Variants in DGKK observed in about 807,000 individuals in gnomAD.
DGKK encodes the protein 142 kDa diacylglycerol kinase.
In DGKK, 35 loss-of-function variants were observed where a neutral mutation model predicts 92.2. That is an observed-to-expected ratio of 0.38 (90% CI 0.29 to 0.50). The LOEUF is 0.50. DGKK is among the 20% of genes least tolerant of loss of function. DGKK has a pLI of 0.92. For synonymous variants in DGKK, 368 were observed against 360.6 expected, an observed-to-expected ratio of 1.02 and a Z score of -0.23; for missense variants, 910 against 992.2, an observed-to-expected ratio of 0.92 and a Z score of 1.11.
chrX:50,443,199 A>G (rs1557231416), intron 1 of DGKK, among the ~76,000 whole-genome samples: 1 of 111,152 alleles, frequency 9.0e-6, no homozygotes, highest in African/African-American at 3.3e-5. Flanking sequence ...ACCAGGAGGC[A>G]GGGATCATTT....
Position 50,391,419 on chromosome X carries a change from G to T in DGKK, c.1844+18C>A, listed in dbSNP as rs1557225519. The stretch of plus-strand genomic sequence containing the variant: ...GGGACAGGAAGAGGCACAAGGGCCT[G>T]GTCTTTCAGCCACTTACCTGTCTAG... On this transcript the variant is annotated intron_variant, in intron 11 of 27. Coordinates refer to ENST00000611977, the MANE Select transcript of DGKK (RefSeq NM_001013742.4). The T allele has an allele frequency of 8.3e-7, 1 of 1,208,719 alleles. No individual in the cohort carries two copies. The highest frequency in any genetic ancestry group is 2.2e-5 in the Admixed American group (1 of 45,914).
In DGKK at chrX:50,366,582, G is replaced by A. The variant is rs1464562726; in HGVS notation, c.*2358C>T. 8.9e-6 allele frequency: 1 copy of A among 112,223 alleles called. No individual in the cohort carries two copies. Among genetic ancestry groups the A allele is most frequent in the Non-Finnish European group, 1.9e-5 (1 of 53,297 alleles). The allele number at this position is 112,223 out of a possible 1,213,427, so 9.2% of individuals were successfully genotyped here. On this transcript the variant is annotated 3_prime_UTR_variant, in exon 28 of 28. Coordinates refer to ENST00000611977, the MANE Select transcript of DGKK (RefSeq NM_001013742.4). ...GTCTTATTACAGTTTACTATCATCAGTGATAAAAATAATTATAAGACACAG... is the reference window on the plus strand; with the variant it reads ...GTCTTATTACAGTTTACTATCATCAATGATAAAAATAATTATAAGACACAG...
At chrX:50,437,387 A>C (rs1355195534) in intron 1 of DGKK, among the ~76,000 whole-genome samples, 2 of 111,175 alleles carry the variant, frequency 1.8e-5, no homozygotes, top group Non-Finnish European at 3.8e-5. Flanking sequence ...CCAGATCTGC[A>C]TCCTTTTCCA....
chrX:50,392,034 T>C (rs1234611822), intron 10 of DGKK, among the ~76,000 whole-genome samples: 1 of 97,237 alleles, frequency 1.0e-5, no homozygotes, highest in Admixed American at 1.2e-4. Context: ...GGAAGGAAAT[T>C]GGGGGTTGAG....
Position 50,470,224 on chromosome X carries a change from T to TCCC in DGKK, c.454_455insGGG (p.Pro151_Glu152insGly). The TCCC allele has an allele frequency of 8.3e-7, 1 of 1,211,384 alleles. No individual in the cohort carries two copies. The highest frequency in any genetic ancestry group is 1.7e-5 in the African/African-American group (1 of 57,783). On this transcript the variant is annotated inframe_insertion, in exon 1 of 28. Coordinates refer to ENST00000611977, the MANE Select transcript of DGKK (RefSeq NM_001013742.4). The stretch of plus-strand genomic sequence containing the variant: ...CTCTGTCACAGGTTCTGGGGTCGGC[T>TCCC]CTGGGGCCAGCTCTGGGGCAACTTC...
chrX:50,372,253 AACCTTACAAT>A (rs1165348465), intron 25 of DGKK, among the ~76,000 whole-genome samples: 15 of 111,978 alleles, frequency 1.3e-4, no homozygotes, highest in East Asian at 8.5e-4. Context: ...TCTTCCCGGT[AACCTTACAAT>A]ACCTTACAAG....
In DGKK at chrX:50,374,446, G is replaced by T. The variant is rs967217788; in HGVS notation, c.3501+525C>A. ...ATTTGGACTTCTAGCTTCCAGAATT[G>T]AGAGACAATACATTTCTGTTGTTTG... On this transcript the variant is annotated intron_variant, in intron 25 of 27. Transcript: ENST00000611977. Among the ~76,000 whole-genome samples the T allele has an allele frequency of 5.4e-5, 6 of 111,747 alleles. No homozygotes were observed. The Admixed American group carries it at 5.7e-4, about 11-fold the overall frequency.
At chrX:50,458,506 C>T (rs4826633) in intron 1 of DGKK, among the ~76,000 whole-genome samples, 48,163 of 106,566 alleles carry the variant, frequency 0.45, 9,674 homozygotes, top group African/African-American at 0.76. Flanking sequence ...CCTGAAACAG[C>T]AGGAAAAGGA....
At chrX:50,403,289 C>T in intron 6 of DGKK, 106 bp from the exon 7 acceptor site, 1 of 994,791 alleles carries the variant, frequency 1.0e-6, no homozygotes, top group Non-Finnish European at 1.4e-6. Context: ...AGGTAAATGA[C>T]CCAAATGACC....
intron 1 of DGKK, among the ~76,000 whole-genome samples, chrX:50,445,117 C>G (rs1156999795): frequency 1.0e-5 from 1 of 96,136 alleles, no homozygotes; most frequent in Non-Finnish European, 2.0e-5. Flanking sequence ...ATATCCTTTG[C>G]CCACTTTTTT....
chrX:50,411,384 C>T (rs1925301196), intron 4 of DGKK, among the ~76,000 whole-genome samples: 1 of 112,173 alleles, frequency 8.9e-6, no homozygotes, highest in African/African-American at 3.2e-5. Context: ...TGGGATTTAT[C>T]CCTGAGATAA....
chrX:50,432,057 A>G (rs1925904089), intron 1 of DGKK, among the ~76,000 whole-genome samples: 1 of 112,037 alleles, frequency 8.9e-6, no homozygotes, highest in Non-Finnish European at 1.9e-5. Flanking sequence ...TAAGGGCTGC[A>G]GCAGCAGGAT....
intron 1 of DGKK, among the ~76,000 whole-genome samples, chrX:50,460,753 A>G (rs782808820): frequency 1.1e-3 from 126 of 111,777 alleles, no homozygotes; most frequent in African/African-American, 4.0e-3. Flanking sequence ...ACACTTGGTT[A>G]ATGAAAGCTG....
chrX:50,379,945 C>G, intron 19 of DGKK, 36 bp downstream of exon 19: 1 of 1,160,700 alleles, frequency 8.6e-7, no homozygotes, highest in Non-Finnish European at 1.2e-6. Context: ...TTTCCTTTCT[C>G]CATACCCAGG....
intron 8 of DGKK, among the ~76,000 whole-genome samples, chrX:50,397,719 A>G (rs1924890823): frequency 8.9e-6 from 1 of 112,251 alleles, no homozygotes; most frequent in Admixed American, 9.4e-5. Context: ...CTCAGCATTG[A>G]GCCTTACATA....
chrX:50,397,963 G>A (rs1182120972), intron 8 of DGKK, among the ~76,000 whole-genome samples: 3 of 111,124 alleles, frequency 2.7e-5, no homozygotes, highest in African/African-American at 9.8e-5. Context: ...CATTACAGAA[G>A]CTGTCAAACA....
chrX:50,431,692 G>A (rs1363088448), intron 1 of DGKK, among the ~76,000 whole-genome samples: 1 of 111,109 alleles, frequency 9.0e-6, no homozygotes, highest in African/African-American at 3.3e-5. Context: ...CCTAACACTC[G>A]CTTGCCAAAG....
chrX:50,371,673 T>C, intron 26 of DGKK, 51 bp downstream of exon 26: 2 of 941,287 alleles, frequency 2.1e-6, no homozygotes, highest in Non-Finnish European at 3.0e-6. Flanking sequence ...GGGAAGGCAC[T>C]AAGGAAGAAT....
intron 17 of DGKK, 30 bp from the exon 18 acceptor site, chrX:50,382,633 T>A (rs1557224564): frequency 2.7e-6 from 3 of 1,115,145 alleles, no homozygotes; most frequent in Non-Finnish European, 2.4e-6. Flanking sequence ...AGGACAGACA[T>A]TGGTGCAGGA....
Sources: allele counts gnomAD v4.1 joint callset (sites outside exome capture counted in the v4.1 genomes callset), GRCh38; gene constraint gnomAD v4.1.1; transcripts MANE v1.5; gene names NCBI Gene and HGNC (gene_info 2026-07-23, HGNC 2026-07-21).